OXR1: variants seen among roughly 807,000 people sequenced by gnomAD.
OXR1 encodes the protein oxidation resistance protein 1.
OXR1 carries 41 observed loss-of-function variants against 104.6 expected under a neutral mutation model. That is an observed-to-expected ratio of 0.39 (90% CI 0.31 to 0.51). The LOEUF (loss-of-function observed/expected upper bound fraction) is 0.51, where lower values mean the gene tolerates loss of function less well. Among genes scored for constraint, OXR1 ranks in the 20% least tolerant of loss-of-function variants. OXR1 has a pLI of 0.77. For synonymous variants in OXR1, 348 were observed against 348.4 expected, an observed-to-expected ratio of 1.00 and a Z score of 0.01; for missense variants, 955 against 1,031.9, an observed-to-expected ratio of 0.93 and a Z score of 1.02.
At chr8:106,527,283 A>G (rs1481535122) in intron 3 of OXR1, among the ~76,000 whole-genome samples, 1 of 152,128 alleles carries the variant, frequency 6.6e-6, no homozygotes, top group Non-Finnish European at 1.5e-5. Context: ...AGTATGAATG[A>G]AGCACCATGG....
At chr8:106,746,597 T>A (rs528046382) in intron 16 of OXR1, among the ~76,000 whole-genome samples, 1 of 152,352 alleles carries the variant, frequency 6.6e-6, no homozygotes, top group South Asian at 2.1e-4. Context: ...TAATGATAAT[T>A]TATTCAGACC....
chr8:106,640,452 A>G (rs2130937591), intron 3 of OXR1, among the ~76,000 whole-genome samples: 1 of 151,906 alleles, frequency 6.6e-6, no homozygotes, highest in South Asian at 2.1e-4. Flanking sequence ...TATAATGCAG[A>G]TAATCATCAT....
rs989828723 is a variant in OXR1 at position 106,570,501 on chromosome 8, ACT to A, written c.220+51365_220+51366del. On this transcript the variant is annotated intron_variant, in intron 3 of 16. Coordinates refer to ENST00000517566, the MANE Select transcript of OXR1 (RefSeq NM_001198533.2). The stretch of plus-strand genomic sequence containing the variant: ...AATTTAGAAAGATTAAGTAACAGAA[ACT>A]CTATCTCAAATTGATATAAATAATA... Among the ~76,000 whole-genome samples the A allele has an allele frequency of 4.3e-4, 65 of 152,218 alleles. 1 individual carries two copies. The highest frequency in any genetic ancestry group is 1.4e-3 in the African/African-American group (60 of 41,542).
chr8:106,275,176 G>A (rs1427439550), intron 1 of OXR1, among the ~76,000 whole-genome samples: 1 of 152,226 alleles, frequency 6.6e-6, no homozygotes, highest in Non-Finnish European at 1.5e-5. Flanking sequence ...AATCATTAAA[G>A]GGAAAACAGT....
At chr8:106,730,754 G>A (rs956779656) in intron 11 of OXR1, among the ~76,000 whole-genome samples, 2 of 151,970 alleles carry the variant, frequency 1.3e-5, no homozygotes, top group Admixed American at 6.6e-5. Flanking sequence ...CATGATTACT[G>A]TATCCTATGT....
intron 1 of OXR1, among the ~76,000 whole-genome samples, chr8:106,315,235 T>C (rs1022367374): frequency 1.3e-5 from 2 of 152,102 alleles, no homozygotes; most frequent in African/African-American, 4.8e-5. Context: ...TTTAAAATGG[T>C]AAGGTAGTAT....
rs745951759 is a variant in OXR1, at chr8:106,707,146, G to A, written c.1624+1G>A. 2 of 1,611,846 alleles carry A rather than the reference G, an allele frequency of 1.2e-6. No homozygotes were observed. Among genetic ancestry groups the A allele is most frequent in the Admixed American group, 1.7e-5 (1 of 59,916 alleles). On this transcript the variant is annotated splice_donor_variant, in intron 9 of 16. Transcript: ENST00000517566. LOFTEE classifies it high-confidence loss of function. ...ACATCTGCTGATGGACACATAGAAA[G>A]TAAGTGTTATAGAGTAAATGAAGTT...
intron 2 of OXR1, among the ~76,000 whole-genome samples, chr8:106,406,334 TTC>T (rs1217874925): frequency 6.6e-6 from 1 of 152,138 alleles, no homozygotes; most frequent in African/African-American, 2.4e-5. Context: ...GTAATACCCA[TTC>T]TCTGTTTTAC....
intron 3 of OXR1, among the ~76,000 whole-genome samples, chr8:106,614,712 T>C (rs1180550222): frequency 6.6e-6 from 1 of 152,122 alleles, no homozygotes; most frequent in Non-Finnish European, 1.5e-5. Flanking sequence ...AATGGCCAAA[T>C]ATTGGGAAAT....
chr8:106,560,478 A>C (rs942840023), intron 3 of OXR1, among the ~76,000 whole-genome samples: 7 of 152,202 alleles, frequency 4.6e-5, no homozygotes, highest in Non-Finnish European at 8.8e-5. Context: ...AGACATCCAG[A>C]TGTAGTTCCC....
At chr8:106,720,934 A>T (rs1234800652) in intron 11 of OXR1, among the ~76,000 whole-genome samples, 1 of 152,230 alleles carries the variant, frequency 6.6e-6, no homozygotes, top group African/African-American at 2.4e-5. Context: ...ATAAAGATGA[A>T]TTTGGAATTT....
chr8:106,485,969 G>A (rs1051118225), intron 2 of OXR1, among the ~76,000 whole-genome samples: 6 of 150,622 alleles, frequency 4.0e-5, no homozygotes, highest in African/African-American at 2.4e-5. Flanking sequence ...GGGGGTGGGG[G>A]TGGAGTTTGA....
Position 106,304,538 on chromosome 8 carries a change from A to G in OXR1, c.-139+34171A>G, listed in dbSNP as rs964309809. ...TTAAATTTTCTAGTAGCAACATTAA[A>G]AAAGTAAAAAGAAGTAGGTGAAATT... On this transcript the variant is annotated intron_variant, in intron 1 of 16. Transcript: ENST00000517566. Among the ~76,000 whole-genome samples the G allele has an allele frequency of 2.6e-5, 4 of 152,326 alleles. No individual in the cohort carries two copies. In the East Asian group the frequency reaches 7.7e-4, roughly 29 times the overall value.
At chr8:106,694,064 T>G (rs1829578454) in intron 7 of OXR1, among the ~76,000 whole-genome samples, 1 of 152,142 alleles carries the variant, frequency 6.6e-6, no homozygotes, top group African/African-American at 2.4e-5. Flanking sequence ...TGTTTTATTT[T>G]TCTAGATAAC....
At chr8:106,385,718 A>T (rs191152097) in intron 2 of OXR1, among the ~76,000 whole-genome samples, 103 of 152,256 alleles carry the variant, frequency 6.8e-4, no homozygotes, top group Middle Eastern at 3.4e-3. Flanking sequence ...TACACACATA[A>T]TCAGGTTTCT....
rs371808742 is a variant in OXR1, at chr8:106,583,989, A to G, written c.220+64850A>G. Among the ~76,000 whole-genome samples, 19 of 152,250 alleles carry G rather than the reference A, an allele frequency of 1.2e-4. No homozygotes were observed. The South Asian group carries it at 2.3e-3, about 18-fold the overall frequency. On this transcript the variant is annotated intron_variant, in intron 3 of 16. Transcript: ENST00000517566. ...ACTGACTAAACCAAGGACACAGAAA[A>G]GAAAAATTGGAAGGAAAAGAAAATA...
At chr8:106,543,692 G>A (rs1463990644) in intron 3 of OXR1, among the ~76,000 whole-genome samples, 1 of 152,172 alleles carries the variant, frequency 6.6e-6, no homozygotes, top group East Asian at 1.9e-4. Context: ...AAGTTCAGAG[G>A]AATTATTGCT....
intron 3 of OXR1, among the ~76,000 whole-genome samples, chr8:106,662,345 TTAATAA>T (rs754210280): frequency 1.3e-5 from 2 of 152,334 alleles, no homozygotes; most frequent in African/African-American, 2.4e-5. Context: ...GAAAAACTAT[TTAATAA>T]TAATATTTTT....
chr8:106,416,503 G>C (rs1264724203), intron 2 of OXR1, among the ~76,000 whole-genome samples: 3 of 151,848 alleles, frequency 2.0e-5, no homozygotes, highest in Non-Finnish European at 2.9e-5. Flanking sequence ...TTTAGAATCT[G>C]TATGGAATTA....
Sources: allele counts gnomAD v4.1 joint callset (sites outside exome capture counted in the v4.1 genomes callset), GRCh38; gene constraint gnomAD v4.1.1; transcripts MANE v1.5; gene names NCBI Gene and HGNC (gene_info 2026-07-23, HGNC 2026-07-21).